Variants in FMN1 observed in about 807,000 individuals in gnomAD.
FMN1 encodes formin-1.
FMN1 carries 110 observed loss-of-function variants against 132.4 expected under a neutral mutation model. That is an observed-to-expected ratio of 0.83 (90% CI 0.71 to 0.97). FMN1 has a LOEUF of 0.97. Ranked by LOEUF, FMN1 falls within the 50% of genes least tolerant of loss-of-function variation. The probability of loss-of-function intolerance (pLI) is 0.00; values close to 1 mark genes in which losing one functional copy is unlikely to be tolerated. For missense variants in FMN1, 1,792 were observed against 1,705.3 expected (o/e 1.05, Z -0.90); for synonymous variants, 722 against 651.7 (o/e 1.11, Z -1.64).
At chr15:33,179,484 G>A (rs1381336284) in intron 3 of FMN1, among the ~76,000 whole-genome samples, 2 of 152,136 alleles carry the variant, frequency 1.3e-5, no homozygotes, top group African/African-American at 4.8e-5. Flanking sequence ...CTCAAATGAT[G>A]CCTCATTAGA....
At chr15:32,834,627 C>G (rs2058582263) in intron 17 of FMN1, among the ~76,000 whole-genome samples, 2 of 152,230 alleles carry the variant, frequency 1.3e-5, no homozygotes, top group Admixed American at 1.3e-4. Flanking sequence ...TGAAACTCAT[C>G]TCCCTTTTAG....
chr15:32,794,191 C>A (rs1232839783), intron 19 of FMN1, among the ~76,000 whole-genome samples: 1 of 152,028 alleles, frequency 6.6e-6, no homozygotes, highest in African/African-American at 2.4e-5. Flanking sequence ...AGCCCCCTCG[C>A]CCCCAAAAGA....
intron 4 of FMN1, among the ~76,000 whole-genome samples, chr15:33,140,193 A>AACAC (rs61485667): frequency 0.23 from 33,385 of 142,578 alleles, 4,292 homozygotes; most frequent in Admixed American, 0.32. Flanking sequence ...CCTATGGTTA[A>AACAC]ACACACACAC....
At chr15:33,155,107 C>T (rs1315711950) in intron 3 of FMN1, 62 bp from the exon 4 acceptor site, 1 of 554,474 alleles carries the variant, frequency 1.8e-6, no homozygotes, top group Non-Finnish European at 3.2e-6. Flanking sequence ...CACACACCAA[C>T]ATAAAATCAA....
intron 17 of FMN1, among the ~76,000 whole-genome samples, chr15:32,821,501 G>A (rs1294373373): frequency 7.8e-6 from 1 of 128,904 alleles, no homozygotes. Context: ...ACCCCAGGCT[G>A]GAGGGCAGTG....
At chr15:33,018,601 T>C (rs2035215717) in intron 6 of FMN1, among the ~76,000 whole-genome samples, 1 of 152,152 alleles carries the variant, frequency 6.6e-6, no homozygotes, top group Non-Finnish European at 1.5e-5. Context: ...CCCCCGTACC[T>C]TGTCCTATGC....
In FMN1 at chr15:32,810,095, T is replaced by C. The variant is rs140631738; in HGVS notation, c.3929-5763A>G. On this transcript the variant is annotated intron_variant, in intron 17 of 20. Coordinates refer to ENST00000616417, the MANE Select transcript of FMN1 (RefSeq NM_001277313.2). ...CCATGGCTGGCTAATTTTTGTATCT[T>C]TAGTAGAGACAGGGTTTCACCATGT... Among the ~76,000 whole-genome samples the C allele has an allele frequency of 2.5e-3, 377 of 152,064 alleles. 2 individuals carry two copies. Among genetic ancestry groups the C allele is most frequent in the African/African-American group, 8.3e-3 (345 of 41,464 alleles).
At chr15:33,142,284 G>C (rs1312227431) in intron 4 of FMN1, among the ~76,000 whole-genome samples, 1 of 152,104 alleles carries the variant, frequency 6.6e-6, no homozygotes, top group African/African-American at 2.4e-5. Flanking sequence ...CAGAAACTGA[G>C]GTCCCTGATG....
At chr15:33,119,350 G>C (rs1408362050) in intron 4 of FMN1, among the ~76,000 whole-genome samples, 1 of 152,136 alleles carries the variant, frequency 6.6e-6, no homozygotes, top group Non-Finnish European at 1.5e-5. Context: ...GGCACCCATG[G>C]TGCCAAAGGG....
chr15:32,775,505 A>T (rs2056387963), intron 20 of FMN1, among the ~76,000 whole-genome samples: 2 of 152,198 alleles, frequency 1.3e-5, no homozygotes, highest in Admixed American at 1.3e-4. Context: ...TCTGAGGAAG[A>T]GGGAGAGGCT....
At chr15:32,901,563 C>A (rs1344787593) in intron 13 of FMN1, among the ~76,000 whole-genome samples, 1 of 152,200 alleles carries the variant, frequency 6.6e-6, no homozygotes, top group Non-Finnish European at 1.5e-5. Flanking sequence ...GGATCTCAAG[C>A]AAAATCTCTT....
chr15:32,958,801 G>C (rs879582387), intron 9 of FMN1, among the ~76,000 whole-genome samples: 14 of 152,096 alleles, frequency 9.2e-5, no homozygotes, highest in Non-Finnish European at 1.6e-4. Context: ...CAGCACTTTG[G>C]GAGGCCAAGG....
At chr15:33,125,626 G>C (rs1962984025) in intron 4 of FMN1, among the ~76,000 whole-genome samples, 1 of 151,900 alleles carries the variant, frequency 6.6e-6, no homozygotes, top group Non-Finnish European at 1.5e-5. Flanking sequence ...GATCACTTGA[G>C]GTCAGGAATT....
intron 6 of FMN1, among the ~76,000 whole-genome samples, chr15:33,038,380 T>C (rs1322903535): frequency 6.6e-6 from 1 of 152,266 alleles, no homozygotes; most frequent in Non-Finnish European, 1.5e-5. Context: ...AAGTTTTACA[T>C]GGTTCTTTTT....
intron 9 of FMN1, among the ~76,000 whole-genome samples, chr15:32,928,374 A>C (rs1043510576): frequency 2.0e-5 from 3 of 152,180 alleles, no homozygotes; most frequent in African/African-American, 7.2e-5. Context: ...TTAAAAATGC[A>C]ATTTCTGGCT....
intron 4 of FMN1, chr15:33,150,145 C>T (rs1964385437): frequency 2.0e-6 from 2 of 985,306 alleles, no homozygotes; most frequent in Non-Finnish European, 2.4e-6. Flanking sequence ...GTATGGTGAG[C>T]CAAGCTCCCT....
chr15:32,874,014 G>GT (rs1179024075), intron 16 of FMN1, among the ~76,000 whole-genome samples: 4 of 107,210 alleles, frequency 3.7e-5, no homozygotes, highest in Non-Finnish European at 7.8e-5. Context: ...TTTTATTTTA[G>GT]TTGTTTTTTT....
At chr15:32,776,276 GA>G (rs1180631983) in intron 20 of FMN1, among the ~76,000 whole-genome samples, 1 of 152,200 alleles carries the variant, frequency 6.6e-6, no homozygotes, top group Non-Finnish European at 1.5e-5. Flanking sequence ...GATCTCTACT[GA>G]AAACTGGACT....
intron 10 of FMN1, among the ~76,000 whole-genome samples, chr15:32,911,210 T>C (rs1038158248): frequency 2.0e-5 from 3 of 152,214 alleles, no homozygotes; most frequent in African/African-American, 4.8e-5. Context: ...TCTAGAGAGG[T>C]ACCTTCCCAT....
Sources: allele counts gnomAD v4.1 joint callset (sites outside exome capture counted in the v4.1 genomes callset), GRCh38; gene constraint gnomAD v4.1.1; transcripts MANE v1.5; gene names NCBI Gene and HGNC (gene_info 2026-07-23, HGNC 2026-07-21).